The following BRINP3 variants were observed in gnomAD, a reference collection of about 807,000 sequenced individuals.
BRINP3 encodes BMP/retinoic acid-inducible neural-specific protein 3.
In BRINP3, 19 loss-of-function variants were observed where a neutral mutation model predicts 71.0. The ratio of observed to expected loss-of-function variants is 0.27; its 90% CI spans 0.19 to 0.39. The LOEUF (loss-of-function observed/expected upper bound fraction) is 0.39, where lower values mean the gene tolerates loss of function less well. Ranked by LOEUF, BRINP3 falls within the 10% of genes least tolerant of loss-of-function variation. BRINP3 has a pLI of 1.00. For synonymous variants in BRINP3, 380 were observed against 337.7 expected, an observed-to-expected ratio of 1.13 and a Z score of -1.37; for missense variants, 959 against 940.8, an observed-to-expected ratio of 1.02 and a Z score of -0.25.
At chr1:190,153,754 A>G (rs1656622860) in intron 7 of BRINP3, among the ~76,000 whole-genome samples, 1 of 152,158 alleles carries the variant, frequency 6.6e-6, no homozygotes, top group African/African-American at 2.4e-5. Flanking sequence ...CCAGCTACTC[A>G]GGAGACTGAG....
rs143473592 is a variant in BRINP3 at position 190,313,097 on chromosome 1, G to A, written c.237-31347C>T. Among the ~76,000 whole-genome samples, 1,119 of 151,656 alleles carry A rather than the reference G, an allele frequency of 7.4e-3. 12 individuals carry two copies. The highest frequency in any genetic ancestry group is 0.01 in the Non-Finnish European group (695 of 67,800). On this transcript the variant is annotated intron_variant, in intron 2 of 7. Coordinates refer to ENST00000367462, the MANE Select transcript of BRINP3 (RefSeq NM_199051.3). ...GACTACAAATTACAAGTAATTTAGAGCAATTTGAAAAAAAATAAGTAAAAT... is the reference window on the plus strand; with the variant it reads ...GACTACAAATTACAAGTAATTTAGAACAATTTGAAAAAAAATAAGTAAAAT...
chr1:190,379,263 G>C (rs1670369350), intron 2 of BRINP3, among the ~76,000 whole-genome samples: 1 of 152,128 alleles, frequency 6.6e-6, no homozygotes, highest in South Asian at 2.1e-4. Flanking sequence ...TGTGTTTATT[G>C]AGGAAGTACC....
chr1:190,427,585 ATGAG>A (rs1320933640), intron 2 of BRINP3, among the ~76,000 whole-genome samples: 1 of 151,996 alleles, frequency 6.6e-6, no homozygotes, highest in Non-Finnish European at 1.5e-5. Context: ...TTATTAATTA[ATGAG>A]TATGTAAAAT....
At chr1:190,353,305 C>G (rs1668521391) in intron 2 of BRINP3, among the ~76,000 whole-genome samples, 1 of 152,068 alleles carries the variant, frequency 6.6e-6, no homozygotes, top group Middle Eastern at 3.4e-3. Flanking sequence ...CAGCATGATG[C>G]AGAATGTGGG....
chr1:190,104,339 G>A (rs762965667), intron 7 of BRINP3, among the ~76,000 whole-genome samples: 98 of 152,142 alleles, frequency 6.4e-4, no homozygotes, highest in Non-Finnish European at 8.4e-4. Flanking sequence ...TAAATATAGG[G>A]TTGTGCTAAG....
chr1:190,216,699 T>C (rs1264887670), intron 6 of BRINP3, among the ~76,000 whole-genome samples: 1 of 151,800 alleles, frequency 6.6e-6, no homozygotes, highest in Non-Finnish European at 1.5e-5. Flanking sequence ...TCAGTGAAAA[T>C]AGGAAACATA....
intron 2 of BRINP3, among the ~76,000 whole-genome samples, chr1:190,374,005 T>G (rs1481892607): frequency 6.6e-6 from 1 of 151,344 alleles, no homozygotes; most frequent in African/African-American, 2.4e-5. Flanking sequence ...AATCCTAAAG[T>G]GGGTACACTT....
intron 2 of BRINP3, among the ~76,000 whole-genome samples, chr1:190,292,731 C>G (rs1663964740): frequency 6.6e-6 from 1 of 151,960 alleles, no homozygotes. Context: ...TTTGTACTCA[C>G]TATTGGTTTA....
chr1:190,273,485 A>T (rs1338274891), intron 3 of BRINP3, among the ~76,000 whole-genome samples: 2 of 151,610 alleles, frequency 1.3e-5, no homozygotes, highest in African/African-American at 4.8e-5. Context: ...TGTCTTGTGC[A>T]ACTAAAATTT....
chr1:190,317,108 G>A (rs555459889), intron 2 of BRINP3, among the ~76,000 whole-genome samples: 4 of 149,610 alleles, frequency 2.7e-5, no homozygotes, highest in Admixed American at 1.3e-4. Flanking sequence ...GGAGAGGGTG[G>A]TTTCAATGAG....
chr1:190,333,690 C>T (rs1028826813), intron 2 of BRINP3, among the ~76,000 whole-genome samples: 1 of 151,840 alleles, frequency 6.6e-6, no homozygotes, highest in Non-Finnish European at 1.5e-5. Flanking sequence ...CAAATTATTT[C>T]CCAGTGTAGA....
intron 2 of BRINP3, among the ~76,000 whole-genome samples, chr1:190,372,138 C>T (rs1669910347): frequency 1.3e-5 from 2 of 152,128 alleles, no homozygotes; most frequent in Admixed American, 6.5e-5. Context: ...GAGGACACAA[C>T]AGTAATCCAG....
At chr1:190,310,379 TC>T (rs1165326748) in intron 2 of BRINP3, among the ~76,000 whole-genome samples, 1 of 151,720 alleles carries the variant, frequency 6.6e-6, no homozygotes, top group Non-Finnish European at 1.5e-5. Flanking sequence ...CAAGATTAAT[TC>T]AAGTGCTAGT....
At chr1:190,206,139 G>T (rs1235502598) in intron 6 of BRINP3, among the ~76,000 whole-genome samples, 2 of 152,000 alleles carry the variant, frequency 1.3e-5, no homozygotes, top group Non-Finnish European at 2.9e-5. Flanking sequence ...GTTAACTTGG[G>T]GTTCACTGCT....
At chr1:190,260,761 A>G (rs763309800) in intron 4 of BRINP3, among the ~76,000 whole-genome samples, 2 of 152,090 alleles carry the variant, frequency 1.3e-5, no homozygotes, top group Non-Finnish European at 2.9e-5. Flanking sequence ...CCTTTTCAAC[A>G]TCACCTGCAA....
chr1:190,215,110 G>T (rs1032617974), intron 6 of BRINP3, among the ~76,000 whole-genome samples: 2 of 129,582 alleles, frequency 1.5e-5, no homozygotes, highest in African/African-American at 5.7e-5. Flanking sequence ...AAAAAAAAAA[G>T]AAATGAAATC....
intron 2 of BRINP3, among the ~76,000 whole-genome samples, chr1:190,312,523 C>T (rs1457510263): frequency 6.6e-6 from 1 of 151,476 alleles, no homozygotes; most frequent in Non-Finnish European, 1.5e-5. Flanking sequence ...GTTGTGGATC[C>T]AGTTATATTA....
At chr1:190,446,100 A>C (rs546721763) in intron 2 of BRINP3, among the ~76,000 whole-genome samples, 60 of 152,216 alleles carry the variant, frequency 3.9e-4, no homozygotes, top group Non-Finnish European at 6.9e-4. Context: ...TATAGTTTCT[A>C]AACTATTTAT....
intron 6 of BRINP3, among the ~76,000 whole-genome samples, chr1:190,214,037 A>G (rs1038564840): frequency 2.0e-5 from 3 of 152,036 alleles, no homozygotes; most frequent in African/African-American, 7.2e-5. Flanking sequence ...TGGGATGGAA[A>G]GAATCACTCA....
Sources: gnomAD v4.1 joint callset for allele counts (sites outside exome capture counted in the v4.1 genomes callset) on GRCh38, gnomAD v4.1.1 for gene constraint, MANE v1.5 for transcripts, NCBI Gene and HGNC (gene_info 2026-07-23, HGNC 2026-07-21) for gene names.